Variants in CHID1 observed in about 807,000 individuals in gnomAD.
The protein encoded by CHID1 is chitinase domain containing 1.
Under a neutral mutation model 55.4 loss-of-function variants are expected in CHID1, and 44 were observed. The observed-to-expected ratio is 0.79, with a 90% CI of 0.62 to 1.02. CHID1 has a LOEUF of 1.02. Ranked by LOEUF, CHID1 falls within the 50% of genes least tolerant of loss-of-function variation. CHID1 has a pLI of 0.00. For synonymous variants in CHID1, 216 were observed against 212.9 expected (o/e 1.01, Z -0.13); for missense variants, 491 against 515.3 (o/e 0.95, Z 0.46).
At position 902,216 on chromosome 11, in the gene CHID1, G is replaced by A. The variant is rs935366038; in HGVS notation, c.376C>T (p.Leu126Phe). The A allele has an allele frequency of 1.2e-5, 20 of 1,613,868 alleles. No homozygotes were observed. In the Admixed American group the frequency reaches 3.3e-4, roughly 27 times the overall value. The part of the protein sequence containing the change: ...RGREMFEVTG[L>F]HDVDQGWMRA... ...TGAGAACCTTGGTCCACGTCGTGGA[G>A]GCCCGTGACCTCAAACATCTCACGG... is the stretch of plus-strand genomic sequence containing the variant. The change falls in exon 4 of 13, where the codon CTC becomes TTC. Residue 126 changes from leucine (L) to phenylalanine (F), a missense_variant. Transcript: ENST00000323578.
upstream of CHID1, among the ~76,000 whole-genome samples, chr11:913,343 A>T (rs1565214565): frequency 6.6e-6 from 1 of 152,182 alleles, no homozygotes; most frequent in Non-Finnish European, 1.5e-5. Flanking sequence ...AGCACCCGAG[A>T]TTCTGTTATC....
At chr11:900,897 G>A in intron 5 of CHID1, 39 bp downstream of exon 5, 1 of 1,578,918 alleles carries the variant, frequency 6.3e-7, no homozygotes, top group South Asian at 1.1e-5. Flanking sequence ...CCCGCAGTTT[G>A]AGCCATCAGG....
At chr11:881,584 ACCACG>A (rs1370969128) in intron 10 of CHID1, among the ~76,000 whole-genome samples, 232 of 14,894 alleles carry the variant, frequency 0.016, 60 homozygotes, top group African/African-American at 0.063. Context: ...GAGGGAAAGG[ACCACG>A]TCGGGCGGTA....
intron 1 of CHID1, 114 bp from the exon 2 acceptor site, chr11:904,973 G>C: frequency 8.5e-7 from 1 of 1,176,256 alleles, no homozygotes; most frequent in Non-Finnish European, 1.2e-6. Flanking sequence ...TCATGGCACT[G>C]GATGGACCCT....
chr11:903,187 C>T, intron 2 of CHID1, 76 bp from the exon 3 acceptor site: 1 of 1,457,264 alleles, frequency 6.9e-7, no homozygotes, highest in Admixed American at 1.8e-5. Context: ...CCCAGCAAGT[C>T]CCTTCCATTC....
intron 4 of CHID1, among the ~76,000 whole-genome samples, chr11:901,570 T>C (rs942384571): frequency 3.9e-5 from 6 of 152,288 alleles, no homozygotes; most frequent in Admixed American, 6.5e-5. Context: ...CTCCCTGGCA[T>C]TGAATGAAAA....
rs1463909348 is a variant in CHID1, at chr11:869,487, G to A, written c.*371C>T. The A allele has an allele frequency of 5.5e-5, 16 of 292,192 alleles. No homozygotes were observed. In the East Asian group the frequency reaches 6.6e-4, roughly 12 times the overall value. The allele number at this position is 292,192 out of a possible 1,614,324, so 18.1% of individuals were successfully genotyped here. A position where few individuals can be genotyped will look rare whatever the true frequency, so the allele number is the denominator to read the frequency against. The stretch of plus-strand genomic sequence containing the variant: ...AGGGCCCTCGAATCCAGGAGTGGGC[G>A]AGTCCGGGATGGTTCCAGAGCTTCC... On this transcript the variant is annotated 3_prime_UTR_variant, in exon 13 of 13. Coordinates refer to ENST00000323578, the MANE Select transcript of CHID1 (RefSeq NM_023947.4).
chr11:903,118 T>C lies in CHID1; in HGVS notation c.112-7A>G, dbSNP rs113779448. The C allele has an allele frequency of 1.9e-5, 30 of 1,606,832 alleles. No homozygotes were observed. The African/African-American group carries it at 2.4e-4, about 13-fold the overall frequency. ...GCTTATCTGAAAACTGACTCTGAAA[T>C]AAAAGGAGTGAGAGAAAAGCCTCAG... is the stretch of plus-strand genomic sequence containing the variant. On this transcript the variant is annotated splice_polypyrimidine_tract_variant and splice_region_variant and intron_variant, in intron 2 of 12. Coordinates refer to ENST00000323578, the MANE Select transcript of CHID1 (RefSeq NM_023947.4).
rs190999839 is a variant in CHID1, at chr11:874,159, G to A, written c.960-3660C>T. Among the ~76,000 whole-genome samples the A allele has an allele frequency of 1.3e-3, 200 of 152,284 alleles. 1 individual carries two copies. Among genetic ancestry groups the A allele is most frequent in the Middle Eastern group, 3.4e-3 (1 of 294 alleles). ...TGGGGACTTTGCCAAGGTCTAAAAC[G>A]CAAGGATTAAAAACAGAGGGGGCCG... is the stretch of plus-strand genomic sequence containing the variant. On this transcript the variant is annotated intron_variant, in intron 10 of 12. Coordinates refer to ENST00000323578, the MANE Select transcript of CHID1 (RefSeq NM_023947.4).
chr11:913,041 C>T (rs1852783362), upstream of CHID1, among the ~76,000 whole-genome samples: 1 of 151,902 alleles, frequency 6.6e-6, no homozygotes, highest in Admixed American at 6.6e-5. Context: ...CAGTTCACCA[C>T]ATTTAAAATT....
At position 884,055 on chromosome 11, in the gene CHID1, A is replaced by G. The variant is rs2134182141; in HGVS notation, c.803+13T>C. 6.2e-7 allele frequency: 1 copy of G among 1,606,884 alleles called. No homozygotes were observed. Among genetic ancestry groups the G allele is most frequent in the Non-Finnish European group, 8.5e-7 (1 of 1,173,462 alleles). On this transcript the variant is annotated intron_variant, in intron 9 of 12. Transcript: ENST00000323578. ...GTTTGCTGTGCCCAGGAGCCCCCCA[A>G]GCCCACACTCACTGATGCGCTGTAG...
chr11:902,847 G>A (rs993245454), intron 3 of CHID1, 115 bp downstream of exon 3: 8 of 972,946 alleles, frequency 8.2e-6, no homozygotes, highest in East Asian at 5.1e-5. Flanking sequence ...CAGCAGCTCC[G>A]GGAGATCAGA....
At chr11:902,069 GACAC>G (rs1273062441) in intron 4 of CHID1, 125 bp downstream of exon 4, 5 of 978,600 alleles carry the variant, frequency 5.1e-6, no homozygotes, top group Non-Finnish European at 7.7e-6. Flanking sequence ...ATCACGCAGA[GACAC>G]ACACACACTC....
intron 7 of CHID1, among the ~76,000 whole-genome samples, chr11:897,797 G>T (rs934024919): frequency 1.4e-4 from 21 of 152,288 alleles, no homozygotes; most frequent in African/African-American, 4.8e-4. Flanking sequence ...CTGAGGGAGT[G>T]GGGTCTGGGC....
In CHID1 at chr11:884,047, GC is replaced by G. The variant is rs763884284; in HGVS notation, c.803+20del. 12 of 1,589,408 alleles carry G rather than the reference GC, an allele frequency of 7.5e-6. No homozygotes were observed. The highest frequency in any genetic ancestry group is 1.0e-5 in the Non-Finnish European group (12 of 1,157,630). Reference sequence around the variant, plus strand: ...ACTGTGGAGTTTGCTGTGCCCAGGAGCCCCCCAAGCCCACACTCACTGATGC... The same window carrying G: ...ACTGTGGAGTTTGCTGTGCCCAGGAGCCCCCAAGCCCACACTCACTGATGC... On this transcript the variant is annotated intron_variant, in intron 9 of 12. Transcript: ENST00000323578.
intron 8 of CHID1, among the ~76,000 whole-genome samples, chr11:890,812 C>G (rs958061365): frequency 3.4e-4 from 52 of 152,172 alleles, no homozygotes; most frequent in African/African-American, 1.1e-3. Context: ...ACCAGACACC[C>G]TGGGGTCTGT....
At position 883,169 on chromosome 11, in the gene CHID1, C is replaced by T. The variant is rs776207830; in HGVS notation, c.938G>A (p.Arg313His). ...GMDYATSKDA[R>H]EPVVGARYIQ... is the part of the protein sequence containing the mutation. ...TCACCTGGCCCCGACAACAGGCTCA[C>T]GGGCATCCTTGGAGGTCGCGTAGTC... The change falls in exon 10 of 13, where the codon CGT becomes CAT. Residue 313 changes from arginine (R) to histidine (H), a missense_variant. Arg to His is a conservative substitution (Grantham distance 29, BLOSUM62 0). Coordinates refer to ENST00000323578, the MANE Select transcript of CHID1 (RefSeq NM_023947.4). 11 of 1,612,654 alleles carry T rather than the reference C, an allele frequency of 6.8e-6. No individual in the cohort carries two copies. The highest frequency in any genetic ancestry group is 1.1e-5 in the South Asian group (1 of 91,066).
rs1029331866 is a variant in CHID1, at chr11:880,572, C to T, written c.959+2576G>A. 5.3e-5 allele frequency among the ~76,000 whole-genome samples: 8 copies of T among 152,120 alleles called. No individual in the cohort carries two copies. In the South Asian group the frequency reaches 1.7e-3, roughly 32 times the overall value. On this transcript the variant is annotated intron_variant, in intron 10 of 12. Transcript: ENST00000323578. ...GCTCACGGAGGGCACCCCTGGAGGC[C>T]GGGCAGGGAACACTGCCCCAACATA...
intron 11 of CHID1, 45 bp downstream of exon 11, chr11:870,374 C>T (rs1209109455): frequency 6.6e-7 from 1 of 1,520,250 alleles, no homozygotes; most frequent in South Asian, 1.2e-5. Flanking sequence ...AGGGCCCCTC[C>T]CTGCACACAA....
Sources: allele counts gnomAD v4.1 joint callset (sites outside exome capture counted in the v4.1 genomes callset), GRCh38; gene constraint gnomAD v4.1.1; transcripts MANE v1.5; gene names NCBI Gene and HGNC (gene_info 2026-07-23, HGNC 2026-07-21).